Variants in ESR1 observed in about 807,000 individuals in gnomAD.
The protein encoded by ESR1 is estrogen receptor 1, also known as estrogen receptor.
A neutral mutation model predicts 52.7 loss-of-function variants in ESR1; 12 were observed. The ratio of observed to expected loss-of-function variants is 0.23; its 90% confidence interval spans 0.15 to 0.37. The LOEUF is 0.37. ESR1 is among the 10% of genes least tolerant of loss of function. The pLI is 1.00. For synonymous variants in ESR1, 305 were observed against 316.8 expected (o/e 0.96, Z 0.39); for missense variants, 584 against 779.7 (o/e 0.75, Z 2.99).
At chr6:152,005,937 G>T (rs1417669680) in intron 4 of ESR1, among the ~76,000 whole-genome samples, 1 of 152,050 alleles carries the variant, frequency 6.6e-6, no homozygotes, top group Non-Finnish European at 1.5e-5. Context: ...GAAAGAGTCA[G>T]CTTGATATTG....
At chr6:151,929,902 G>A (rs1225759280) in intron 3 of ESR1, among the ~76,000 whole-genome samples, 3 of 151,630 alleles carry the variant, frequency 2.0e-5, no homozygotes, top group Middle Eastern at 3.5e-3. Flanking sequence ...GTTGCCAAAC[G>A]CTTCTTTTTG....
intron 4 of ESR1, among the ~76,000 whole-genome samples, chr6:152,010,173 A>G (rs1202259903): frequency 6.6e-6 from 1 of 152,124 alleles, no homozygotes; most frequent in Admixed American, 6.6e-5. Context: ...CTATTTGGAT[A>G]TAAGAATTAT....
chr6:152,009,325 A>C (rs1184037261), intron 4 of ESR1, among the ~76,000 whole-genome samples: 1 of 152,098 alleles, frequency 6.6e-6, no homozygotes, highest in Non-Finnish European at 1.5e-5. Flanking sequence ...AGGTGCAATA[A>C]ATTTAAACTT....
chr6:151,718,578 G>A (rs1781227108), intron 2 of ESR1, among the ~76,000 whole-genome samples: 1 of 152,224 alleles, frequency 6.6e-6, no homozygotes, highest in African/African-American at 2.4e-5. Context: ...ACAATGGGCT[G>A]AATGAAGAGG....
At chr6:152,097,393 T>C (rs1207113125) in intron 7 of ESR1, among the ~76,000 whole-genome samples, 2 of 151,126 alleles carry the variant, frequency 1.3e-5, no homozygotes, top group African/African-American at 4.8e-5. Flanking sequence ...TTTTATAGCA[T>C]TTTAAATGAA....
intron 3 of ESR1, among the ~76,000 whole-genome samples, chr6:151,920,215 T>C (rs140711319): frequency 3.3e-5 from 5 of 152,034 alleles, no homozygotes; most frequent in Non-Finnish European, 7.4e-5. Context: ...GCAGCATGAA[T>C]GGTAGAGACT....
At chr6:152,060,861 G>A (rs2047487030) in intron 5 of ESR1, 130 bp from the exon 6 acceptor site, 2 of 719,796 alleles carry the variant, frequency 2.8e-6, no homozygotes, top group Admixed American at 2.6e-5. Context: ...GAAGACAATG[G>A]CTGATAGTTT....
chr6:151,969,809 T>A (rs1431307942), intron 4 of ESR1, among the ~76,000 whole-genome samples: 1 of 152,194 alleles, frequency 6.6e-6, no homozygotes, highest in African/African-American at 2.4e-5. Context: ...ACACTCATTG[T>A]CTCAGGCAAA....
chr6:152,087,606 G>T (rs12182415), intron 6 of ESR1, among the ~76,000 whole-genome samples: 2 of 152,180 alleles, frequency 1.3e-5, no homozygotes, highest in Non-Finnish European at 2.9e-5. Flanking sequence ...GGCTTCCAAG[G>T]TCATCCTAAG....
chr6:152,008,688 T>C (rs1435110538), intron 4 of ESR1, among the ~76,000 whole-genome samples: 1 of 152,094 alleles, frequency 6.6e-6, no homozygotes, highest in Non-Finnish European at 1.5e-5. Context: ...TGATTCTTTT[T>C]GAGGTTTATT....
chr6:151,946,275 T>G (rs1029806518), intron 4 of ESR1, among the ~76,000 whole-genome samples: 1 of 152,240 alleles, frequency 6.6e-6, no homozygotes, highest in Non-Finnish European at 1.5e-5. Context: ...TTATGAAATC[T>G]TGGGAATATT....
At chr6:151,882,186 A>T (rs1251521767) in intron 3 of ESR1, among the ~76,000 whole-genome samples, 1 of 152,148 alleles carries the variant, frequency 6.6e-6, no homozygotes, top group African/African-American at 2.4e-5. Context: ...GATTATGATG[A>T]AGACAAGCTT....
At chr6:151,876,785 C>T (rs1791896459) in intron 2 of ESR1, among the ~76,000 whole-genome samples, 1 of 152,174 alleles carries the variant, frequency 6.6e-6, no homozygotes, top group African/African-American at 2.4e-5. Context: ...ACCTTAGATT[C>T]CTCCAGAGGC....
intron 4 of ESR1, among the ~76,000 whole-genome samples, chr6:151,979,026 G>A (rs1426208001): frequency 6.6e-6 from 1 of 152,196 alleles, no homozygotes; most frequent in African/African-American, 2.4e-5. Context: ...ATAATAGTAT[G>A]TAAGTCGGGA....
chr6:152,018,567 C>T (rs2043349350), intron 5 of ESR1, among the ~76,000 whole-genome samples: 1 of 151,936 alleles, frequency 6.6e-6, no homozygotes, highest in Non-Finnish European at 1.5e-5. Flanking sequence ...AGGAGGACCG[C>T]ACACATTGTA....
intron 5 of ESR1, among the ~76,000 whole-genome samples, chr6:152,030,026 A>G (rs1429731796): frequency 6.6e-6 from 1 of 152,222 alleles, no homozygotes; most frequent in African/African-American, 2.4e-5. Context: ...CCAGAATCTC[A>G]TATCCAGCCA....
chr6:151,969,965 C>T (rs1438048792), intron 4 of ESR1, among the ~76,000 whole-genome samples: 1 of 151,680 alleles, frequency 6.6e-6, no homozygotes, highest in South Asian at 2.1e-4. Context: ...CTATGTGTCC[C>T]CTCCTTTCTA....
At chr6:151,955,354 G>A (rs1397998045) in intron 4 of ESR1, among the ~76,000 whole-genome samples, 1 of 152,110 alleles carries the variant, frequency 6.6e-6, no homozygotes, top group Admixed American at 6.5e-5. Flanking sequence ...CCATTAAACT[G>A]CATACATAAA....
At chr6:151,950,336 C>T (rs2036194803) in intron 4 of ESR1, among the ~76,000 whole-genome samples, 1 of 152,090 alleles carries the variant, frequency 6.6e-6, no homozygotes, top group Admixed American at 6.6e-5. Context: ...GAATGTTGGC[C>T]TGTGGCTTTG....
Sources: gnomAD v4.1 joint callset for allele counts (sites outside exome capture counted in the v4.1 genomes callset) on GRCh38, gnomAD v4.1.1 for gene constraint, MANE v1.5 for transcripts, NCBI Gene and HGNC (gene_info 2026-07-23, HGNC 2026-07-21) for gene names.